The following CFAP251 variants were observed in gnomAD, a reference collection of about 807,000 sequenced individuals.
CFAP251 encodes the protein cilia and flagella associated protein 251, also known as cilia- and flagella-associated protein 251.
A neutral mutation model predicts 126.7 loss-of-function variants in CFAP251; 93 were observed. That is an observed-to-expected ratio of 0.73 (90% CI 0.62 to 0.87). The LOEUF (loss-of-function observed/expected upper bound fraction) is 0.87. Ranked by LOEUF, CFAP251 falls within the 40% of genes least tolerant of loss-of-function variation. The pLI is 0.00. For synonymous variants in CFAP251, 503 were observed against 506.9 expected, an observed-to-expected ratio of 0.99 and a Z score of 0.10; for missense variants, 1,287 against 1,389.2, an observed-to-expected ratio of 0.93 and a Z score of 1.17.
At chr12:121,953,253 A>G (rs1881596696) in intron 9 of CFAP251, 1 of 152,198 alleles carries the variant, frequency 6.6e-6, no homozygotes, top group African/African-American at 2.4e-5. Flanking sequence ...CAAACAACCA[A>G]AAATGCAAAC....
chr12:121,944,935 A>G (rs1308248120), intron 7 of CFAP251, among the ~76,000 whole-genome samples: 1 of 151,986 alleles, frequency 6.6e-6, no homozygotes, highest in Non-Finnish European at 1.5e-5. Flanking sequence ...GGTGCACACT[A>G]TCATGCCCAG....
At chr12:121,999,587 C>G in intron 19 of CFAP251, 129 bp from the exon 20 acceptor site, 1 of 661,154 alleles carries the variant, frequency 1.5e-6, no homozygotes, top group African/African-American at 1.8e-5. Flanking sequence ...CCTTTGGCCA[C>G]GGCCTCCCAA....
intron 1 of CFAP251, 128 bp from the exon 2 acceptor site, chr12:121,921,158 A>G (rs1459516802): frequency 1.8e-6 from 2 of 1,090,484 alleles, no homozygotes; most frequent in South Asian, 1.9e-5. Context: ...CAGAAACATG[A>G]CATTCTTTTT....
intron 5 of CFAP251, among the ~76,000 whole-genome samples, chr12:121,937,001 G>C (rs192536378): frequency 8.5e-4 from 130 of 152,364 alleles, no homozygotes; most frequent in African/African-American, 3.1e-3. Context: ...GTGGTCTGCT[G>C]TGTGACTTGG....
chr12:121,935,068 C>A (rs1240298339), intron 5 of CFAP251, among the ~76,000 whole-genome samples: 1 of 152,190 alleles, frequency 6.6e-6, no homozygotes, highest in Non-Finnish European at 1.5e-5. Context: ...TCTCAAAGCA[C>A]TGGGATTATA....
intron 9 of CFAP251, 70 bp downstream of exon 9, chr12:121,951,600 T>A: frequency 8.6e-7 from 1 of 1,166,250 alleles, no homozygotes; most frequent in Non-Finnish European, 1.3e-6. Context: ...CAAGCTTAGC[T>A]GCTTCGGGCT....
chr12:121,997,074 G>C (rs951173131), intron 19 of CFAP251: 1 of 152,166 alleles, frequency 6.6e-6, no homozygotes, highest in Non-Finnish European at 1.5e-5. Context: ...TTTTAAAGGC[G>C]TCTTTAAAGC....
intron 4 of CFAP251, chr12:121,932,136 T>C: frequency 3.6e-6 from 1 of 276,606 alleles, no homozygotes. Context: ...ATCTGTATTT[T>C]TTACACTTCT....
intron 4 of CFAP251, 106 bp from the exon 5 acceptor site, chr12:121,934,141 T>G (rs1565904526): frequency 2.5e-6 from 2 of 799,658 alleles, no homozygotes; most frequent in African/African-American, 1.7e-5. Context: ...CAGATGAGCG[T>G]TGAAAGGAGC....
At chr12:121,980,971 AG>A (rs1476496183) in intron 19 of CFAP251, among the ~76,000 whole-genome samples, 3 of 152,188 alleles carry the variant, frequency 2.0e-5, no homozygotes, top group East Asian at 1.9e-4. Flanking sequence ...GCGCTCTCGT[AG>A]GGGTGTCGTG....
chr12:121,932,096 G>C lies in CFAP251; in HGVS notation c.888+210G>C, dbSNP rs906966566. On this transcript the variant is annotated intron_variant, in intron 4 of 21. Transcript: ENST00000288912. ...AGAATCAACTTACAAAACAGCAGTT[G>C]ATATTAATTTTATAGTGAGAATTTA... The C allele has an allele frequency of 1.0e-5, 4 of 386,952 alleles. No homozygotes were observed. The South Asian group carries it at 3.5e-4, about 34-fold the overall frequency. The allele number at this position is 386,952 out of a possible 1,614,324, so 24.0% of individuals were successfully genotyped here. A position where few individuals can be genotyped will look rare whatever the true frequency, so the allele number is the denominator to read the frequency against.
chr12:121,931,742 C>T lies in CFAP251; in HGVS notation c.748-4C>T. The T allele has an allele frequency of 2.6e-6, 4 of 1,557,300 alleles. No individual in the cohort carries two copies. The highest frequency in any genetic ancestry group is 3.5e-6 in the Non-Finnish European group (4 of 1,155,482). ...GTCTTGCTGGCTTTGCCCTTGTCTT[C>T]CAGACCATGACCTGGTCGTTTGGAT... is the stretch of plus-strand genomic sequence containing the variant. On this transcript the variant is annotated splice_region_variant and splice_polypyrimidine_tract_variant and intron_variant, in intron 3 of 21. Transcript: ENST00000288912.
chr12:121,926,363 A>G (rs1330048224), intron 3 of CFAP251, among the ~76,000 whole-genome samples: 6 of 148,388 alleles, frequency 4.0e-5, no homozygotes, highest in African/African-American at 9.9e-5. Flanking sequence ...CTCTCACTCT[A>G]TCACCCAGAC....
At chr12:121,996,696 G>C (rs1293037687) in intron 19 of CFAP251, among the ~76,000 whole-genome samples, 1 of 152,150 alleles carries the variant, frequency 6.6e-6, no homozygotes. Context: ...TGCAAAGAAT[G>C]AACGTCTAAA....
chr12:121,968,075 G>A lies in CFAP251; in HGVS notation c.2677G>A (p.Gly893Arg), dbSNP rs369556998. 1.9e-5 allele frequency: 30 copies of A among 1,613,580 alleles called. No homozygotes were observed. Among genetic ancestry groups the A allele is most frequent in the East Asian group, 4.5e-5 (2 of 44,880 alleles). ...KTSAIVCHPN[G>R]VAGMAVSYDG... ...ATCTGCTATTGTTTGCCACCCGAAC[G>A]GGGTGGCCGGCATGGCCGTTTCCTA... The change falls in exon 17 of 22, where the codon GGG becomes AGG. Residue 893 changes from glycine (G) to arginine (R), a missense_variant. Gly to Arg is a moderately radical substitution (Grantham distance 125). Transcript: ENST00000288912.
chr12:121,967,929 G>A, intron 16 of CFAP251, 77 bp from the exon 17 acceptor site: 1 of 1,315,820 alleles, frequency 7.6e-7, no homozygotes, highest in Non-Finnish European at 1.1e-6. Context: ...AGATCTGGAG[G>A]TGACATGTGA....
At chr12:121,944,769 TTTAAAATGA>T (rs1197599791) in intron 7 of CFAP251, among the ~76,000 whole-genome samples, 4 of 152,204 alleles carry the variant, frequency 2.6e-5, no homozygotes, top group South Asian at 2.1e-4. Context: ...GTGATTTAAA[TTTAAAATGA>T]TTAAAATGAA....
At position 121,922,090 on chromosome 12, in the gene CFAP251, C is replaced by T. The variant is rs150830096; in HGVS notation, c.378+407C>T. On this transcript the variant is annotated intron_variant, in intron 2 of 21. Coordinates refer to ENST00000288912, the MANE Select transcript of CFAP251 (RefSeq NM_144668.6). ...GATTACAGGCACACGCCACCACGCC[C>T]GGCCACAATCCATTCTTTTTTTTTT... is the stretch of plus-strand genomic sequence containing the variant. Among the ~76,000 whole-genome samples, 451 of 147,672 alleles carry T rather than the reference C, an allele frequency of 3.1e-3. 1 individual carries two copies. The highest frequency in any genetic ancestry group is 0.011 in the African/African-American group (428 of 39,968).
At chr12:122,000,321 G>C (rs1160126305) in intron 20 of CFAP251, among the ~76,000 whole-genome samples, 1 of 152,170 alleles carries the variant, frequency 6.6e-6, no homozygotes, top group East Asian at 1.9e-4. Flanking sequence ...GGAGGCCGAG[G>C]CGGGCGGATT....
Sources: allele counts gnomAD v4.1 joint callset (sites outside exome capture counted in the v4.1 genomes callset), GRCh38; gene constraint gnomAD v4.1.1; transcripts MANE v1.5; gene names NCBI Gene and HGNC (gene_info 2026-07-23, HGNC 2026-07-21).